Variants in SGCZ observed in about 807,000 individuals in gnomAD.
The protein encoded by SGCZ is sarcoglycan zeta, also known as zeta-sarcoglycan.
SGCZ carries 40 observed loss-of-function variants against 41.3 expected under a neutral mutation model. That is an observed-to-expected ratio of 0.97 (90% confidence interval 0.75 to 1.26). The LOEUF (loss-of-function observed/expected upper bound fraction) is 1.26, where lower values mean the gene tolerates loss of function less well. Ranked by LOEUF, SGCZ falls within the 50% of genes most tolerant of loss-of-function variation. SGCZ has a pLI of 0.00. For missense variants in SGCZ, 552 were observed against 369.8 expected (o/e 1.49, Z -4.04); for synonymous variants, 206 against 137.5 (o/e 1.50, Z -3.49).
intron 1 of SGCZ, among the ~76,000 whole-genome samples, chr8:14,915,464 G>T (rs570813878): frequency 6.6e-6 from 1 of 152,190 alleles, no homozygotes; most frequent in African/African-American, 2.4e-5. Context: ...ACATAGACAA[G>T]CAAGCTCTCA....
intron 1 of SGCZ, among the ~76,000 whole-genome samples, chr8:14,909,495 A>T (rs1047279991): frequency 6.6e-6 from 1 of 152,124 alleles, no homozygotes; most frequent in Non-Finnish European, 1.5e-5. Flanking sequence ...ATCTTAAATT[A>T]TCTGTGTCTG....
At chr8:14,235,745 C>G (rs1022228471) in intron 4 of SGCZ, among the ~76,000 whole-genome samples, 1 of 152,108 alleles carries the variant, frequency 6.6e-6, no homozygotes, top group Non-Finnish European at 1.5e-5. Flanking sequence ...AGTGCAGTGG[C>G]CCAATCTCGG....
At chr8:14,615,023 T>C (rs1314462458) in intron 1 of SGCZ, among the ~76,000 whole-genome samples, 2 of 152,102 alleles carry the variant, frequency 1.3e-5, no homozygotes, top group Non-Finnish European at 2.9e-5. Context: ...TATATATATA[T>C]ATGAAAGCTT....
intron 1 of SGCZ, among the ~76,000 whole-genome samples, chr8:14,697,969 G>A (rs925763298): frequency 2.0e-5 from 3 of 151,820 alleles, no homozygotes; most frequent in East Asian, 1.9e-4. Context: ...CAACCACTTC[G>A]GTATTTGTTG....
chr8:14,539,981 C>T (rs932551302), intron 2 of SGCZ, among the ~76,000 whole-genome samples: 12 of 151,830 alleles, frequency 7.9e-5, no homozygotes, highest in Non-Finnish European at 1.5e-4. Flanking sequence ...AACAGGTGAA[C>T]ACAACACGCT....
chr8:14,724,975 C>T (rs914847322), intron 1 of SGCZ, among the ~76,000 whole-genome samples: 1 of 152,026 alleles, frequency 6.6e-6, no homozygotes, highest in Non-Finnish European at 1.5e-5. Context: ...CCATTAACCC[C>T]CACCAACACC....
chr8:14,236,627 C>CT (rs1806772749), intron 4 of SGCZ, among the ~76,000 whole-genome samples: 1 of 151,380 alleles, frequency 6.6e-6, no homozygotes, highest in African/African-American at 2.4e-5. Flanking sequence ...TTGTAATTTA[C>CT]TTTTCTCTTT....
chr8:15,221,932 CTCTG>C (rs1477404901), intron 1 of SGCZ, among the ~76,000 whole-genome samples: 2 of 152,208 alleles, frequency 1.3e-5, no homozygotes, highest in Non-Finnish European at 2.9e-5. Flanking sequence ...ACAACGTTAT[CTCTG>C]TCTGAGTCTT....
intron 2 of SGCZ, among the ~76,000 whole-genome samples, chr8:14,432,970 G>A (rs1259616885): frequency 1.4e-5 from 2 of 140,494 alleles, no homozygotes; most frequent in African/African-American, 5.4e-5. Context: ...AACACCACCT[G>A]TTCTCCAATA....
At chr8:15,035,555 T>C (rs1414216952) in intron 1 of SGCZ, among the ~76,000 whole-genome samples, 3 of 151,844 alleles carry the variant, frequency 2.0e-5, no homozygotes, top group African/African-American at 4.8e-5. Flanking sequence ...TGACATAGAG[T>C]AGCTAAATAA....
intron 1 of SGCZ, among the ~76,000 whole-genome samples, chr8:14,711,895 A>G (rs530073813): frequency 6.6e-6 from 1 of 152,102 alleles, no homozygotes; most frequent in Non-Finnish European, 1.5e-5. Context: ...TACTGAGGCA[A>G]CTCCAGCCTC....
chr8:15,034,246 T>C (rs1488895445), intron 1 of SGCZ, among the ~76,000 whole-genome samples: 1 of 151,984 alleles, frequency 6.6e-6, no homozygotes, highest in Non-Finnish European at 1.5e-5. Flanking sequence ...GTGGCCAAAA[T>C]AATAAATTTA....
chr8:14,760,071 C>A (rs991078345), intron 1 of SGCZ, among the ~76,000 whole-genome samples: 1 of 152,176 alleles, frequency 6.6e-6, no homozygotes, highest in African/African-American at 2.4e-5. Flanking sequence ...ACCCACCACC[C>A]GCCCCATGAT....
At chr8:14,475,356 A>G (rs1339910095) in intron 2 of SGCZ, among the ~76,000 whole-genome samples, 4 of 152,174 alleles carry the variant, frequency 2.6e-5, no homozygotes. Context: ...GTAATTGTAA[A>G]TATAAATTTT....
At chr8:14,719,188 A>G (rs965118940) in intron 1 of SGCZ, among the ~76,000 whole-genome samples, 42 of 149,666 alleles carry the variant, frequency 2.8e-4, no homozygotes, top group African/African-American at 1.0e-3. Flanking sequence ...TGAACTCATC[A>G]TTTTTTATGG....
At chr8:14,247,949 A>G (rs759148553) in intron 3 of SGCZ, among the ~76,000 whole-genome samples, 1 of 152,218 alleles carries the variant, frequency 6.6e-6, no homozygotes, top group African/African-American at 2.4e-5. Context: ...TTTACTTTAT[A>G]TAGAAAAATA....
intron 1 of SGCZ, among the ~76,000 whole-genome samples, chr8:14,955,315 T>A (rs954984481): frequency 4.6e-5 from 7 of 152,222 alleles, no homozygotes; most frequent in African/African-American, 1.4e-4. Flanking sequence ...GTTAGTCCAT[T>A]GTATAAGCCT....
At chr8:15,086,406 G>GT (rs1805952845) in intron 1 of SGCZ, among the ~76,000 whole-genome samples, 1 of 152,060 alleles carries the variant, frequency 6.6e-6, no homozygotes, top group South Asian at 2.1e-4. Flanking sequence ...TGGAAAGTAT[G>GT]TTTTTTCCAT....
At chr8:14,125,194 ATTG>A (rs907453285) in intron 5 of SGCZ, among the ~76,000 whole-genome samples, 3 of 152,154 alleles carry the variant, frequency 2.0e-5, no homozygotes, top group African/African-American at 7.2e-5. Flanking sequence ...AAGAATCACT[ATTG>A]TTGGCCAGGC....
Sources: gnomAD v4.1 joint callset for allele counts (sites outside exome capture counted in the v4.1 genomes callset) on GRCh38, gnomAD v4.1.1 for gene constraint, MANE v1.5 for transcripts, NCBI Gene and HGNC (gene_info 2026-07-23, HGNC 2026-07-21) for gene names.